Variants in RUNX1 observed in about 807,000 individuals in gnomAD.
The protein encoded by RUNX1 is runt-related transcription factor 1.
Under a neutral mutation model 42.8 loss-of-function variants are expected in RUNX1, and 19 were observed. That is an observed-to-expected ratio of 0.44 (90% CI 0.31 to 0.65). RUNX1 has a LOEUF of 0.65. RUNX1 is among the 30% of genes least tolerant of loss of function. The pLI, the probability that RUNX1 is intolerant of heterozygous loss-of-function variation, is 0.07. For missense variants in RUNX1, 528 were observed against 672.0 expected (o/e 0.79, Z 2.37); for synonymous variants, 271 against 289.4 (o/e 0.94, Z 0.64).
At chr21:34,951,767 A>G (rs1204799055) in intron 2 of RUNX1, among the ~76,000 whole-genome samples, 1 of 152,196 alleles carries the variant, frequency 6.6e-6, no homozygotes, top group Non-Finnish European at 1.5e-5. Context: ...GAAAGCTTTT[A>G]CACTGTTGGT....
chr21:34,943,511 C>T (rs756643148), intron 2 of RUNX1, among the ~76,000 whole-genome samples: 5 of 152,190 alleles, frequency 3.3e-5, no homozygotes, highest in Admixed American at 6.5e-5. Context: ...AGGGGATCAA[C>T]GGATCAAAAT....
Position 34,886,706 on chromosome 21 carries a change from A to C in RUNX1, c.351+137T>G. 4.4e-6 allele frequency: 6 copies of C among 1,377,608 alleles called. No individual in the cohort carries two copies. The South Asian group carries it at 6.5e-5, about 15-fold the overall frequency. The allele number at this position is 1,377,608 out of a possible 1,614,324, so 85.3% of individuals were successfully genotyped here. Reference sequence around the variant, plus strand: ...GCAACACAGCATCCCCCACATCCCAAGCTAGGAAGACCGACCCGGGGCTGC... The same window carrying C: ...GCAACACAGCATCCCCCACATCCCACGCTAGGAAGACCGACCCGGGGCTGC... On this transcript the variant is annotated intron_variant, in intron 4 of 8. Coordinates refer to ENST00000675419, the MANE Select transcript of RUNX1 (RefSeq NM_001754.5).
chr21:34,967,359 T>C (rs1350427841), intron 2 of RUNX1, among the ~76,000 whole-genome samples: 1 of 66,112 alleles, frequency 1.5e-5, no homozygotes, highest in African/African-American at 5.1e-5. Context: ...AAAAGAAGAA[T>C]AGCGTTTTCC....
At chr21:34,977,360 T>G (rs1346920398) in intron 2 of RUNX1, among the ~76,000 whole-genome samples, 1 of 152,238 alleles carries the variant, frequency 6.6e-6, no homozygotes, top group African/African-American at 2.4e-5. Context: ...AGGAAAAAAC[T>G]TACTGCTTTT....
intron 2 of RUNX1, among the ~76,000 whole-genome samples, chr21:34,945,989 CAGGTTTGGATGCGTT>C: frequency 6.6e-6 from 1 of 152,290 alleles, no homozygotes; most frequent in Non-Finnish European, 1.5e-5. Context: ...CCTGGTTTTC[CAGGTTTGGATGCGTT>C]CTCCTGTTCT....
chr21:34,822,862 G>A (rs981268241), intron 7 of RUNX1, among the ~76,000 whole-genome samples: 7 of 152,128 alleles, frequency 4.6e-5, no homozygotes, highest in African/African-American at 1.2e-4. Context: ...CACCATGTTC[G>A]TGTCCCTCAT....
intron 6 of RUNX1, among the ~76,000 whole-genome samples, chr21:34,849,622 C>G (rs1349113156): frequency 6.8e-6 from 1 of 147,076 alleles, no homozygotes; most frequent in African/African-American, 2.5e-5. Context: ...GTCAATCATA[C>G]TATAAAAAAG....
intron 2 of RUNX1, among the ~76,000 whole-genome samples, chr21:35,041,921 A>G (rs1483685198): frequency 6.6e-6 from 1 of 152,188 alleles, no homozygotes; most frequent in Non-Finnish European, 1.5e-5. Context: ...TCTTTTGTAG[A>G]AAAGAATTCT....
chr21:35,014,644 T>C (rs763719342), intron 2 of RUNX1, among the ~76,000 whole-genome samples: 7 of 152,216 alleles, frequency 4.6e-5, no homozygotes, highest in African/African-American at 1.4e-4. Flanking sequence ...CACTGCCCCA[T>C]AGTTTTTACA....
chr21:34,967,457 G>A (rs2058729689), intron 2 of RUNX1, among the ~76,000 whole-genome samples: 1 of 151,118 alleles, frequency 6.6e-6, no homozygotes, highest in Non-Finnish European at 1.5e-5. Flanking sequence ...AGTGTCACGG[G>A]GGAGGCTGAA....
At chr21:34,989,245 G>A (rs2058917657) in intron 2 of RUNX1, among the ~76,000 whole-genome samples, 1 of 152,004 alleles carries the variant, frequency 6.6e-6, no homozygotes, top group Non-Finnish European at 1.5e-5. Flanking sequence ...CTGGCCTCAG[G>A]TGATCTGACT....
At chr21:34,895,424 AGGGTC>A (rs1025639750) in intron 2 of RUNX1, among the ~76,000 whole-genome samples, 1 of 149,632 alleles carries the variant, frequency 6.7e-6, no homozygotes, top group Non-Finnish European at 1.5e-5. Context: ...ACACATGTCC[AGGGTC>A]CCAGGAACTG....
intron 2 of RUNX1, among the ~76,000 whole-genome samples, chr21:34,905,268 C>T (rs2058209537): frequency 6.6e-6 from 1 of 152,216 alleles, no homozygotes. Flanking sequence ...ATCTCGCTCA[C>T]AAGAGAATTC....
At chr21:34,822,767 TTGCTATC>T (rs2056926820) in intron 7 of RUNX1, among the ~76,000 whole-genome samples, 2 of 152,194 alleles carry the variant, frequency 1.3e-5, no homozygotes, top group Admixed American at 1.3e-4. Context: ...ATTATATAAT[TTGCTATC>T]TGATATGTGC....
chr21:34,994,363 A>G (rs1451976759), intron 2 of RUNX1, among the ~76,000 whole-genome samples: 3 of 152,266 alleles, frequency 2.0e-5, no homozygotes, highest in Non-Finnish European at 4.4e-5. Context: ...CAGGGTGACC[A>G]TAGTCAATAA....
chr21:34,936,070 A>C (rs944120824), intron 2 of RUNX1, among the ~76,000 whole-genome samples: 3 of 152,172 alleles, frequency 2.0e-5, no homozygotes, highest in African/African-American at 7.2e-5. Flanking sequence ...TGGCGGGATA[A>C]AAAGCCAGGA....
intron 2 of RUNX1, among the ~76,000 whole-genome samples, chr21:34,894,117 A>G (rs1026391487): frequency 2.6e-5 from 4 of 152,190 alleles, no homozygotes; most frequent in African/African-American, 7.2e-5. Flanking sequence ...TAATAAATGT[A>G]TCCTGAAGTT....
chr21:34,804,742 C>CTTTTT (rs58321227), intron 7 of RUNX1, among the ~76,000 whole-genome samples: 1 of 132,654 alleles, frequency 7.5e-6, no homozygotes, highest in Non-Finnish European at 1.6e-5. Flanking sequence ...GAGATGGAAA[C>CTTTTT]TTTTTTTTTT....
chr21:34,995,537 C>T (rs1216209063), intron 2 of RUNX1, among the ~76,000 whole-genome samples: 1 of 145,448 alleles, frequency 6.9e-6, no homozygotes, highest in Non-Finnish European at 1.5e-5. Flanking sequence ...ACTTCCTGGG[C>T]ATAGGTGACC....
Sources: allele counts gnomAD v4.1 joint callset (sites outside exome capture counted in the v4.1 genomes callset), GRCh38; gene constraint gnomAD v4.1.1; transcripts MANE v1.5; gene names NCBI Gene and HGNC (gene_info 2026-07-23, HGNC 2026-07-21).